RTN4: variants seen among roughly 807,000 people sequenced by gnomAD.
RTN4 encodes the protein reticulon 4.
In RTN4, 32 loss-of-function variants were observed where a neutral mutation model predicts 90.4. The observed-to-expected ratio is 0.35, with a 90% CI of 0.27 to 0.48. The LOEUF is 0.48. RTN4 is among the 20% of genes least tolerant of loss of function. The pLI, the probability that RTN4 is intolerant of heterozygous loss-of-function variation, is 0.99. For missense variants in RTN4, 1,706 were observed against 1,430.2 expected (o/e 1.19, Z -3.11); for synonymous variants, 629 against 552.5 (o/e 1.14, Z -1.94).
chr2:55,036,088 C>T (rs1169255256), intron 1 of RTN4, among the ~76,000 whole-genome samples: 12 of 152,152 alleles, frequency 7.9e-5, no homozygotes, highest in Admixed American at 7.9e-4. Flanking sequence ...AAAGCAAACA[C>T]TTCCCATAAA....
At chr2:55,019,287 A>G (rs4358163) in intron 3 of RTN4, among the ~76,000 whole-genome samples, 29,721 of 152,010 alleles carry the variant, frequency 0.2, 5,816 homozygotes, top group African/African-American at 0.51. Flanking sequence ...TCATTTTTCA[A>G]CTCTCATGGT....
At chr2:55,082,229 C>A (rs1313454160) in intron 1 of RTN4, among the ~76,000 whole-genome samples, 1 of 152,216 alleles carries the variant, frequency 6.6e-6, no homozygotes, top group Non-Finnish European at 1.5e-5. Flanking sequence ...ATGGAGCAAC[C>A]AAGGTGTATT....
intron 2 of RTN4, among the ~76,000 whole-genome samples, chr2:55,066,188 TGTGTTTG>T (rs1668387832): frequency 4.8e-5 from 3 of 63,128 alleles, no homozygotes; most frequent in Non-Finnish European, 8.2e-5. Flanking sequence ...TGTGTGTGTG[TGTGTTTG>T]TGTGTGTGTG....
chr2:55,022,879 T>C (rs952044444), intron 3 of RTN4, among the ~76,000 whole-genome samples: 3 of 119,840 alleles, frequency 2.5e-5, no homozygotes, highest in African/African-American at 8.2e-5. Flanking sequence ...TCCTCTGAAA[T>C]TCTAAATTCA....
the RTN4 span, among the ~76,000 whole-genome samples, chr2:55,126,374 A>G: frequency 1.3e-5 from 2 of 152,020 alleles, no homozygotes; most frequent in African/African-American, 2.4e-5. Flanking sequence ...CGTCTCAAAA[A>G]GAAAAAAAAA....
At chr2:55,010,444 A>G (rs1680551938) in intron 3 of RTN4, 4 of 870,246 alleles carry the variant, frequency 4.6e-6, no homozygotes, top group Admixed American at 9.0e-5. Flanking sequence ...GCAGGCTACC[A>G]AAAGAAAGGA....
chr2:55,129,104 C>T, the RTN4 span, among the ~76,000 whole-genome samples: 8 of 131,492 alleles, frequency 6.1e-5, no homozygotes, highest in Admixed American at 2.6e-4. Context: ...AGCAAGACTC[C>T]GTCTCAAAAA....
chr2:55,007,733 T>C (rs900837549), intron 3 of RTN4, among the ~76,000 whole-genome samples: 1 of 152,162 alleles, frequency 6.6e-6, no homozygotes, highest in African/African-American at 2.4e-5. Context: ...TAAGAAGCAC[T>C]AGATGATTCT....
At chr2:55,099,173 A>G (rs1210206177) in intron 1 of RTN4, among the ~76,000 whole-genome samples, 7 of 152,126 alleles carry the variant, frequency 4.6e-5, no homozygotes, top group Non-Finnish European at 1.0e-4. Context: ...TTACTGGGGC[A>G]TACAGTTCAT....
intron 3 of RTN4, among the ~76,000 whole-genome samples, chr2:55,006,418 C>A (rs973808636): frequency 6.6e-6 from 1 of 152,118 alleles, no homozygotes; most frequent in African/African-American, 2.4e-5. Flanking sequence ...AACAGCAAGA[C>A]CCCTGCTACT....
intron 2 of RTN4, among the ~76,000 whole-genome samples, chr2:55,071,668 C>G (rs932226348): frequency 1.3e-5 from 2 of 151,996 alleles, no homozygotes; most frequent in African/African-American, 4.8e-5. Flanking sequence ...TATAGATTAC[C>G]CCTTTTTAGC....
At position 54,973,137 on chromosome 2, in the gene RTN4, C is replaced by CTAAT. The variant is rs1558746440; in HGVS notation, c.*15_*18dup. On this transcript the variant is annotated 3_prime_UTR_variant, in exon 9 of 9. Transcript: ENST00000337526. ...TATCCCCTTTAAAGATGAACTCCTA[C>CTAAT]TAATTATTTTGGGCGTTTTCATTCA... is the stretch of plus-strand genomic sequence containing the variant. The CTAAT allele has an allele frequency of 1.4e-5, 22 of 1,597,608 alleles. No individual in the cohort carries two copies. Among genetic ancestry groups the CTAAT allele is most frequent in the East Asian group, 2.2e-5 (1 of 44,514 alleles).
chr2:55,092,958 T>G (rs773547133), intron 1 of RTN4, among the ~76,000 whole-genome samples: 1 of 152,262 alleles, frequency 6.6e-6, no homozygotes, highest in Non-Finnish European at 1.5e-5. Flanking sequence ...ATTTTAAAAA[T>G]TCACTTTTTC....
chr2:55,072,580 G>A (rs575145245), intron 2 of RTN4, among the ~76,000 whole-genome samples: 10 of 152,208 alleles, frequency 6.6e-5, no homozygotes, highest in South Asian at 4.1e-4. Flanking sequence ...CTTCTGGATC[G>A]AGGGGCATAC....
At chr2:55,130,580 ATC>A in the RTN4 span, among the ~76,000 whole-genome samples, 1 of 152,122 alleles carries the variant, frequency 6.6e-6, no homozygotes, top group East Asian at 1.9e-4. Context: ...AAATACAAAA[ATC>A]TCTACGAAAA....
chr2:54,973,274 G>T (rs973380981), intron 8 of RTN4, 76 bp from the exon 9 acceptor site: 2 of 1,251,424 alleles, frequency 1.6e-6, no homozygotes, highest in African/African-American at 1.5e-5. Context: ...AGAACTACTT[G>T]TATGTTATTC....
At chr2:55,132,729 A>G in the RTN4 span, among the ~76,000 whole-genome samples, 2 of 142,716 alleles carry the variant, frequency 1.4e-5, no homozygotes, top group Admixed American at 7.2e-5. Context: ...AGGGAGAATC[A>G]CCTGAGCATG....
the RTN4 span, among the ~76,000 whole-genome samples, chr2:55,122,957 G>A: frequency 6.6e-6 from 1 of 152,168 alleles, no homozygotes; most frequent in Middle Eastern, 3.2e-3. Flanking sequence ...TTGCAATAAA[G>A]CATATCAATC....
intron 3 of RTN4, among the ~76,000 whole-genome samples, chr2:55,003,966 A>G (rs1573355384): frequency 1.3e-5 from 2 of 152,306 alleles, no homozygotes; most frequent in East Asian, 3.9e-4. Flanking sequence ...AGATGGCTGT[A>G]CATAAAAAGG....
Sources: gnomAD v4.1 joint callset for allele counts (sites outside exome capture counted in the v4.1 genomes callset) on GRCh38, gnomAD v4.1.1 for gene constraint, MANE v1.5 for transcripts, NCBI Gene and HGNC (gene_info 2026-07-23, HGNC 2026-07-21) for gene names.